The following ZNF8 variants were observed in gnomAD, a reference collection of about 807,000 sequenced individuals.
ZNF8 encodes zinc finger protein 272.
In ZNF8, 9 loss-of-function variants were observed where a neutral mutation model predicts 12.2. That is an observed-to-expected ratio of 0.73 (90% CI 0.44 to 1.28). ZNF8 has a LOEUF of 1.28. Among genes scored for constraint, ZNF8 ranks in the 50% most tolerant of loss-of-function variants. ZNF8 has a pLI of 0.00. For missense variants in ZNF8, 664 were observed against 729.1 expected, an observed-to-expected ratio of 0.91 and a Z score of 1.03; for synonymous variants, 274 against 282.3, an observed-to-expected ratio of 0.97 and a Z score of 0.30.
chr19:58,294,023 C>T lies in ZNF8; in HGVS notation c.290-75C>T, dbSNP rs945302629. 1 of 1,362,236 alleles carries T rather than the reference C, an allele frequency of 7.3e-7. No individual in the cohort carries two copies. The highest frequency in any genetic ancestry group is 1.5e-5 in the African/African-American group (1 of 68,874). 84.4% of individuals were successfully genotyped at this position (1,362,236 alleles called of 1,614,324 possible). On this transcript the variant is annotated intron_variant, in intron 3 of 3. Transcript: ENST00000621650. The surrounding 1 kb of genome is among the most constrained non-coding windows in gnomAD (Gnocchi z 5.5). Reference sequence around the variant, plus strand: ...GTTAGGACCCCATTTCAATATCAGGCCTATGGTGTTGGAGGCCTGTCCCCC... The same window carrying T: ...GTTAGGACCCCATTTCAATATCAGGTCTATGGTGTTGGAGGCCTGTCCCCC...
rs568457526 is a variant in ZNF8 at position 58,288,784 on chromosome 19, C to A, written c.289+2579C>A. Among the ~76,000 whole-genome samples, 4 of 152,180 alleles carry A rather than the reference C, an allele frequency of 2.6e-5. No homozygotes were observed. In the South Asian group the frequency reaches 8.3e-4, roughly 31 times the overall value. ...ATTCTGCAGAAAAACACATATGCCC[C>A]CATGATAGCGTATGACCTATCAACT... On this transcript the variant is annotated intron_variant, in intron 3 of 3. Transcript: ENST00000621650.
intron 3 of ZNF8, among the ~76,000 whole-genome samples, chr19:58,287,076 A>G (rs942962353): frequency 1.3e-5 from 2 of 152,104 alleles, no homozygotes; most frequent in African/African-American, 4.8e-5. Context: ...GTCTCACTCT[A>G]TCGCCTAGGC....
chr19:58,293,782 C>T (rs1187045240), intron 3 of ZNF8, among the ~76,000 whole-genome samples: 1 of 152,218 alleles, frequency 6.6e-6, no homozygotes, highest in South Asian at 2.1e-4. Context: ...GCCCTGCCAA[C>T]ACCTTGATTT....
chr19:58,292,144 C>T (rs1327806070), intron 3 of ZNF8, among the ~76,000 whole-genome samples: 1 of 152,174 alleles, frequency 6.6e-6, no homozygotes, highest in Non-Finnish European at 1.5e-5. Context: ...ATGTACCACT[C>T]AGCGGTTTTG....
intron 1 of ZNF8, among the ~76,000 whole-genome samples, chr19:58,284,215 C>A (rs1286690976): frequency 1.3e-5 from 2 of 148,810 alleles, no homozygotes; most frequent in African/African-American, 5.0e-5. Flanking sequence ...CAGAGTGAGA[C>A]TCCCATCTCG....
chr19:58,279,665 A>T (rs2051334630), intron 1 of ZNF8: 2 of 1,533,186 alleles, frequency 1.3e-6, no homozygotes, highest in Non-Finnish European at 1.7e-6. Context: ...GTCACCACGC[A>T]CTGAGTGTGA....
chr19:58,296,655 G>A lies in ZNF8; in HGVS notation c.*1119G>A, dbSNP rs2051457532. 1 of 152,176 alleles carries A rather than the reference G, an allele frequency of 6.6e-6. No homozygotes were observed. Among genetic ancestry groups the A allele is most frequent in the Admixed American group, 6.6e-5 (1 of 15,258 alleles). The allele number at this position is 152,176 out of a possible 1,614,324, so 9.4% of individuals were successfully genotyped here. On this transcript the variant is annotated 3_prime_UTR_variant, in exon 4 of 4. Coordinates refer to ENST00000621650, the MANE Select transcript of ZNF8 (RefSeq NM_021089.3). Reference sequence around the variant, plus strand: ...CCACCTCGGCCTCCCAAAGTGCTGGGTTTACAGGCATGAGCCACTATGCCC... The same window carrying A: ...CCACCTCGGCCTCCCAAAGTGCTGGATTTACAGGCATGAGCCACTATGCCC...
chr19:58,301,987 G>A lies in ZNF8; in HGVS notation c.*6451G>A, dbSNP rs1360545355. On this transcript the variant is annotated 3_prime_UTR_variant, in exon 4 of 4. Coordinates refer to ENST00000621650, the MANE Select transcript of ZNF8 (RefSeq NM_021089.3). The stretch of plus-strand genomic sequence containing the variant: ...ATGTCCACCATGGGGAACTGGCTAA[G>A]TCATTTATGGTGGAATGGTGATCAT... 2.0e-5 allele frequency: 3 copies of A among 152,168 alleles called. No individual in the cohort carries two copies. The highest frequency in any genetic ancestry group is 2.9e-5 in the Non-Finnish European group (2 of 68,028). 9.4% of individuals were successfully genotyped at this position (152,168 alleles called of 1,614,324 possible).
rs185094908 is a variant in ZNF8, at chr19:58,289,981, A to G, written c.289+3776A>G. The stretch of plus-strand genomic sequence containing the variant: ...CCAGCTAATTTTTTGTATTTTTAGT[A>G]GAGATGGGATTTCACCATGTTGGCC... On this transcript the variant is annotated intron_variant, in intron 3 of 3. Transcript: ENST00000621650. Among the ~76,000 whole-genome samples, 294 of 151,918 alleles carry G rather than the reference A, an allele frequency of 1.9e-3. 1 individual carries two copies. Among genetic ancestry groups the G allele is most frequent in the Non-Finnish European group, 3.9e-3 (262 of 67,972 alleles).
chr19:58,281,903 A>C (rs1335761662), intron 1 of ZNF8, among the ~76,000 whole-genome samples: 1 of 152,132 alleles, frequency 6.6e-6, no homozygotes, highest in African/African-American at 2.4e-5. Flanking sequence ...ACTTCAGGTT[A>C]GGAGTTCAAG....
At chr19:58,291,933 G>C (rs576725600) in intron 3 of ZNF8, among the ~76,000 whole-genome samples, 8 of 152,084 alleles carry the variant, frequency 5.3e-5, no homozygotes, top group Non-Finnish European at 1.0e-4. Context: ...CAGAGTGGGC[G>C]TGGGGCAAGA....
chr19:58,285,566 A>AT, intron 1 of ZNF8, 151 bp from the exon 2 acceptor site: 3 of 1,089,822 alleles, frequency 2.8e-6, no homozygotes, highest in Non-Finnish European at 2.8e-6. Flanking sequence ...TAGTGGCCTA[A>AT]TAGGTGCCCA....
At position 58,294,473 on chromosome 19, in the gene ZNF8, G is replaced by A. The variant is rs779863682; in HGVS notation, c.665G>A (p.Gly222Asp). Residue 222 changes from glycine (G) to aspartate (D), a missense_variant, in exon 4 of 4, where the codon GGC becomes GAC. Gly to Asp is a moderately conservative substitution (Grantham distance 94). Coordinates refer to ENST00000621650, the MANE Select transcript of ZNF8 (RefSeq NM_021089.3). This position sits in a 1 kb window ranked among gnomAD's most constrained non-coding sequence, Gnocchi z 5.5. The part of the protein sequence containing the change: ...HNSSLVSQQT[G>D]SPGKQPGENS... ...TCCAGCTTAGTCAGTCAGCAGACAG[G>A]CTCCCCAGGAAAACAGCCCGGTGAA... The A allele has an allele frequency of 1.2e-6, 2 of 1,614,136 alleles. No individual in the cohort carries two copies. Among genetic ancestry groups the A allele is most frequent in the Admixed American group, 1.7e-5 (1 of 60,010 alleles).
Position 58,294,726 on chromosome 19 carries a change from C to A in ZNF8, c.918C>A (p.Ile306=), listed in dbSNP as rs781528944. The A allele has an allele frequency of 6.2e-7, 1 of 1,613,954 alleles. No homozygotes were observed. Among genetic ancestry groups the A allele is most frequent in the Non-Finnish European group, 8.5e-7 (1 of 1,179,996 alleles). Residue 306 remains isoleucine (I), a synonymous_variant, in exon 4 of 4, where the codon ATC becomes ATA. Coordinates refer to ENST00000621650, the MANE Select transcript of ZNF8 (RefSeq NM_021089.3). The surrounding 1 kb of genome is among the most constrained non-coding windows in gnomAD (Gnocchi z 5.5). ...CCTCCCTCGTCCAGCATGAGCGCATCCACACTGGAGACAAGCCCTACAAGT... is the reference window on the plus strand; with the variant it reads ...CCTCCCTCGTCCAGCATGAGCGCATACACACTGGAGACAAGCCCTACAAGT... ...QNSSLVQHER[I]HTGDKPYKCA... is the part of the protein sequence containing the mutation.
Position 58,295,166 on chromosome 19 carries a change from C to G in ZNF8, c.1358C>G (p.Pro453Arg), listed in dbSNP as rs754738537. 2.5e-6 allele frequency: 4 copies of G among 1,613,968 alleles called. No homozygotes were observed. The Admixed American group carries it at 5.0e-5, about 20-fold the overall frequency. ...EWTEALGCDP[P>R]LSQDERTHRS... ...ACAGAAGCCCTGGGCTGTGACCCAC[C>G]TTTGAGTCAAGATGAGAGGACTCAC... The change falls in exon 4 of 4, where the codon CCT becomes CGT. Residue 453 changes from proline to arginine, a missense_variant. Around this residue, in one of 3 missense-constraint regions of ZNF8, gnomAD observed 225 missense variants for 222.0 expected, o/e 1.01. Coordinates refer to ENST00000621650, the MANE Select transcript of ZNF8 (RefSeq NM_021089.3).
chr19:58,294,200 C>G lies in ZNF8; in HGVS notation c.392C>G (p.Ala131Gly). The change falls in exon 4 of 4, where the codon GCT becomes GGT. Residue 131 changes from alanine (A) to glycine (G), a missense_variant. By Grantham distance (60) the Ala-to-Gly change is moderately conservative. Around this residue, in one of 3 missense-constraint regions of ZNF8, gnomAD observed 306 missense variants for 308.7 expected, o/e 0.99. Transcript: ENST00000621650. The surrounding 1 kb of genome is among the most constrained non-coding windows in gnomAD (Gnocchi z 5.5). ...GGAAGGGAAGGATTCCCGACAGATG[C>G]TCCTTATCCCACCACGTTAGGGAAA... ...VTGREGFPTD[A>G]PYPTTLGKDR... 2 of 1,614,170 alleles carry G rather than the reference C, an allele frequency of 1.2e-6. No individual in the cohort carries two copies. Among genetic ancestry groups the G allele is most frequent in the Non-Finnish European group, 1.7e-6 (2 of 1,180,022 alleles).
chr19:58,289,365 G>A (rs565844422), intron 3 of ZNF8, among the ~76,000 whole-genome samples: 2 of 152,110 alleles, frequency 1.3e-5, no homozygotes, highest in South Asian at 2.1e-4. Flanking sequence ...GTGTGGTGGT[G>A]CATGCCTGTA....
intron 3 of ZNF8, among the ~76,000 whole-genome samples, chr19:58,290,395 T>C (rs181447918): frequency 1.3e-3 from 201 of 152,210 alleles, no homozygotes; most frequent in African/African-American, 4.6e-3. Context: ...ATTACAGACG[T>C]GAGCCACCGC....
rs1345770803 is a variant in ZNF8, at chr19:58,300,398, G to T, written c.*4862G>T. The T allele has an allele frequency of 6.6e-6, 1 of 152,264 alleles. No individual in the cohort carries two copies. Among genetic ancestry groups the T allele is most frequent in the Non-Finnish European group, 1.5e-5 (1 of 68,060 alleles). The allele number at this position is 152,264 out of a possible 1,614,324, so 9.4% of individuals were successfully genotyped here. On this transcript the variant is annotated 3_prime_UTR_variant, in exon 4 of 4. Transcript: ENST00000621650. Reference sequence around the variant, plus strand: ...ATCCACAGTGAAGACTGAAAGAAGGGGGAATGGGCAGGCCAACACTTACCG... The same window carrying T: ...ATCCACAGTGAAGACTGAAAGAAGGTGGAATGGGCAGGCCAACACTTACCG...
Sources: gnomAD v4.1 joint callset for allele counts (sites outside exome capture counted in the v4.1 genomes callset) on GRCh38, gnomAD v4.1.1 for gene constraint, gnomAD v4.1.1 regional missense constraint, Gnocchi (gnomAD v3.1) non-coding constraint, MANE v1.5 for transcripts, NCBI Gene and HGNC (gene_info 2026-07-23, HGNC 2026-07-21) for gene names.